Variants in CACNA2D4 observed in about 807,000 individuals in gnomAD.
The protein encoded by CACNA2D4 is voltage-dependent calcium channel subunit alpha-2/delta-4.
CACNA2D4 carries 157 observed loss-of-function variants against 163.8 expected under a neutral mutation model. The ratio of observed to expected loss-of-function variants is 0.96; its 90% CI spans 0.84 to 1.09. The LOEUF (loss-of-function observed/expected upper bound fraction) is 1.09, where lower values mean the gene tolerates loss of function less well. CACNA2D4 is among the 50% of genes least tolerant of loss of function. The probability of loss-of-function intolerance (pLI) is 0.00; values close to 1 mark genes in which losing one functional copy is unlikely to be tolerated. For missense variants in CACNA2D4, 1,410 were observed against 1,479.9 expected (o/e 0.95, Z 0.78); for synonymous variants, 598 against 586.9 (o/e 1.02, Z -0.27).
Position 1,828,188 on chromosome 12 carries a change from C to A in CACNA2D4, c.2551+12551G>T, listed in dbSNP as rs190717324. Reference sequence around the variant, plus strand: ...CAGCAGCCCTGGGCAGAGGGGCAGGCTCGCCCTGCAGTGGAGGCAAGTCTC... The same window carrying A: ...CAGCAGCCCTGGGCAGAGGGGCAGGATCGCCCTGCAGTGGAGGCAAGTCTC... On this transcript the variant is annotated intron_variant, in intron 26 of 37. Transcript: ENST00000382722. The surrounding 1 kb of genome is among the most constrained non-coding windows in gnomAD (Gnocchi z 4.2). 2.6e-6 allele frequency: 4 copies of A among 1,547,078 alleles called. No individual in the cohort carries two copies. The highest frequency in any genetic ancestry group is 3.5e-6 in the Non-Finnish European group (4 of 1,145,476).
chr12:1,797,726 G>A, intron 34 of CACNA2D4, 191 bp from the exon 35 acceptor site: 1 of 625,788 alleles, frequency 1.6e-6, no homozygotes, highest in South Asian at 1.8e-5. Flanking sequence ...AGTCTCTGGA[G>A]AGGGTGGCTT....
At chr12:1,795,610 C>G in intron 36 of CACNA2D4, 58 bp downstream of exon 36, 2 of 1,244,352 alleles carry the variant, frequency 1.6e-6, no homozygotes, top group East Asian at 4.7e-5. Context: ...CTGAGCCCTA[C>G]AGACACCTCC....
chr12:1,916,816 A>C (rs576027730), intron 1 of CACNA2D4, among the ~76,000 whole-genome samples: 32 of 152,078 alleles, frequency 2.1e-4, no homozygotes, highest in Non-Finnish European at 4.0e-4. Context: ...AAAGACTGAG[A>C]AGAGAGGTTC....
chr12:1,911,378 G>A (rs531916740), intron 3 of CACNA2D4, among the ~76,000 whole-genome samples: 1 of 152,220 alleles, frequency 6.6e-6, no homozygotes, highest in East Asian at 1.9e-4. Flanking sequence ...GGAAGTCAGG[G>A]TGGGGGAAGT....
chr12:1,835,046 C>T, intron 26 of CACNA2D4: 1 of 294,264 alleles, frequency 3.4e-6, no homozygotes, highest in Non-Finnish European at 6.3e-6. Context: ...CCCTGTCGCC[C>T]TTCCTGCCCT....
intron 6 of CACNA2D4, among the ~76,000 whole-genome samples, chr12:1,900,460 G>A (rs567994612): frequency 6.6e-6 from 1 of 152,322 alleles, no homozygotes; most frequent in South Asian, 2.1e-4. Context: ...ACAACATTCA[G>A]AGTTAGATAA....
At position 1,797,498 on chromosome 12, in the gene CACNA2D4, G is replaced by T. The variant is rs768460488; in HGVS notation, c.3033C>A (p.Cys1011Ter). The T allele has an allele frequency of 1.5e-5, 23 of 1,582,146 alleles. No homozygotes were observed. In the South Asian group the frequency reaches 2.5e-4, roughly 17 times the overall value. ...KHKKQDPLQP[C>*]DTEYPVFVYQ... ...ACACGAACACGGGGTACTCCGTGTC[G>T]CAGGGCTGCAGCGGGTCCTGCTTCT... Residue 1011 changes from cysteine to a stop codon, truncating the protein, a stop_gained, in exon 35 of 38, where the codon TGC (cysteine) becomes TGA (stop). Coordinates refer to ENST00000382722, the MANE Select transcript of CACNA2D4 (RefSeq NM_172364.5). LOFTEE classifies it high-confidence loss of function.
intron 18 of CACNA2D4, among the ~76,000 whole-genome samples, chr12:1,868,074 A>C (rs1865693149): frequency 6.6e-6 from 1 of 152,236 alleles, no homozygotes; most frequent in Non-Finnish European, 1.5e-5. Flanking sequence ...AAAGAAATGA[A>C]AAGTAGAACT....
At position 1,830,460 on chromosome 12, in the gene CACNA2D4, T is replaced by C. The variant is rs542988902; in HGVS notation, c.2551+10279A>G. Among the ~76,000 whole-genome samples the C allele has an allele frequency of 2.0e-5, 3 of 152,332 alleles. No homozygotes were observed. The South Asian group carries it at 6.2e-4, about 32-fold the overall frequency. On this transcript the variant is annotated intron_variant, in intron 26 of 37. Transcript: ENST00000382722. ...GAGGGAGCCAGCAGCCTGGCCATTTTCCCTGGGAAACAAACTCTGTCCCAG... is the reference window on the plus strand; with the variant it reads ...GAGGGAGCCAGCAGCCTGGCCATTTCCCCTGGGAAACAAACTCTGTCCCAG...
rs189600003 is a variant in CACNA2D4, at chr12:1,814,103, T to C, written c.2552-2380A>G. Among the ~76,000 whole-genome samples the C allele has an allele frequency of 8.5e-4, 130 of 152,314 alleles. 1 individual carries two copies. The Middle Eastern group carries it at 0.01, about 12-fold the overall frequency. On this transcript the variant is annotated intron_variant, in intron 26 of 37. Transcript: ENST00000382722. ...TCGGGATTGAAGAAAGCTTCCTTCA[T>C]CCTGTCCTTGGCCTCCGTGGTCAAA...
At chr12:1,904,225 G>C (rs931452998) in intron 6 of CACNA2D4, among the ~76,000 whole-genome samples, 1 of 151,780 alleles carries the variant, frequency 6.6e-6, no homozygotes, top group Non-Finnish European at 1.5e-5. Context: ...GGCTGGGAAG[G>C]GTAGCGATGG....
Position 1,810,541 on chromosome 12 carries a change from A to G in CACNA2D4, c.2658+2T>C, listed in dbSNP as rs1245081397. The G allele has an allele frequency of 1.3e-6, 2 of 1,553,490 alleles. No homozygotes were observed. The highest frequency in any genetic ancestry group is 2.4e-5 in the East Asian group (1 of 41,012). ...CACCTTCCTCACACGGGCAGAACTT[A>G]CACTGTCCTCGCAGCTCTGTGTGCA... On this transcript the variant is annotated splice_donor_variant, in intron 28 of 37. Transcript: ENST00000382722. LOFTEE classifies it high-confidence loss of function.
chr12:1,831,424 C>G lies in CACNA2D4; in HGVS notation c.2551+9315G>C, dbSNP rs775676089. ...AATCTGGACCGGCTGACATTTGAAC[C>G]CCTAGCAAACCTGCAGCTGCTGCAG... On this transcript the variant is annotated intron_variant, in intron 26 of 37. Coordinates refer to ENST00000382722, the MANE Select transcript of CACNA2D4 (RefSeq NM_172364.5). 1.1e-5 allele frequency: 18 copies of G among 1,614,148 alleles called. No homozygotes were observed. The highest frequency in any genetic ancestry group is 1.0e-4 in the Admixed American group (6 of 60,028).
rs1863302284 is a variant in CACNA2D4 at position 1,801,031 on chromosome 12, G to C, written c.2868+12C>G. 1.2e-6 allele frequency: 2 copies of C among 1,611,980 alleles called. No individual in the cohort carries two copies. The highest frequency in any genetic ancestry group is 1.7e-6 in the Non-Finnish European group (2 of 1,179,340). ...GGCTGGCTGGCAGAGGGAAGGGCTG[G>C]GTGACACTCACGCTGACCAGGGGCT... On this transcript the variant is annotated intron_variant, in intron 31 of 37. Coordinates refer to ENST00000382722, the MANE Select transcript of CACNA2D4 (RefSeq NM_172364.5).
At chr12:1,862,517 A>G (rs1420187876) in intron 18 of CACNA2D4, among the ~76,000 whole-genome samples, 1 of 152,160 alleles carries the variant, frequency 6.6e-6, no homozygotes, top group Non-Finnish European at 1.5e-5. Context: ...GGGTTCAAGC[A>G]ATTCTCATGC....
intron 6 of CACNA2D4, among the ~76,000 whole-genome samples, chr12:1,889,583 C>A (rs532296482): frequency 2.9e-5 from 4 of 138,842 alleles, no homozygotes; most frequent in Non-Finnish European, 4.5e-5. Flanking sequence ...CTCAGCCGCC[C>A]CCCCCAGTAG....
At chr12:1,825,680 C>T (rs771836463) in intron 26 of CACNA2D4, among the ~76,000 whole-genome samples, 14 of 152,200 alleles carry the variant, frequency 9.2e-5, no homozygotes, top group Non-Finnish European at 1.8e-4. Context: ...GTGTTTGCAT[C>T]ACGTGCTGTG....
At chr12:1,879,665 G>T (rs1384134863) in intron 14 of CACNA2D4, 139 bp downstream of exon 14, 6 of 706,164 alleles carry the variant, frequency 8.5e-6, no homozygotes, top group Non-Finnish European at 2.5e-6. Context: ...GCTACTCTGG[G>T]ACAGGCCTGG....
chr12:1,821,124 G>T (rs1004336842), intron 26 of CACNA2D4, among the ~76,000 whole-genome samples: 28 of 152,236 alleles, frequency 1.8e-4, no homozygotes, highest in African/African-American at 6.8e-4. Flanking sequence ...ACCGGTCCCT[G>T]CAGCATGGGA....
Sources: gnomAD v4.1 joint callset for allele counts (sites outside exome capture counted in the v4.1 genomes callset) on GRCh38, gnomAD v4.1.1 for gene constraint, Gnocchi (gnomAD v3.1) non-coding constraint, MANE v1.5 for transcripts, NCBI Gene and HGNC (gene_info 2026-07-23, HGNC 2026-07-21) for gene names.